PKHD1L1: variants seen among roughly 807,000 people sequenced by gnomAD.
PKHD1L1 encodes fibrocystin-L.
A neutral mutation model predicts 462.9 loss-of-function variants in PKHD1L1; 434 were observed. The observed-to-expected ratio is 0.94, with a 90% CI of 0.87 to 1.02. PKHD1L1 has a LOEUF of 1.02. Among genes scored for constraint, PKHD1L1 ranks in the 50% least tolerant of loss-of-function variants. The probability of loss-of-function intolerance (pLI) is 0.00; values close to 1 mark genes in which losing one functional copy is unlikely to be tolerated. For missense variants in PKHD1L1, 5,202 were observed against 5,096.1 expected (o/e 1.02, Z -0.63); for synonymous variants, 1,781 against 1,750.0 (o/e 1.02, Z -0.44).
In PKHD1L1 at chr8:109,528,859, C is replaced by T. The variant is rs373981285; in HGVS notation, c.12722-1221C>T. Among the ~76,000 whole-genome samples, 11 of 152,086 alleles carry T rather than the reference C, an allele frequency of 7.2e-5. No homozygotes were observed. In the South Asian group the frequency reaches 2.1e-3, roughly 29 times the overall value. ...TTGAAAGTGAAAGTTGCGTCTTTAC[C>T]TCTGACTTAAGGGGAAATGTTGAGT... On this transcript the variant is annotated intron_variant, in intron 77 of 77. Coordinates refer to ENST00000378402, the MANE Select transcript of PKHD1L1 (RefSeq NM_177531.6).
chr8:109,531,451 AAGACAGAGAGATAGAGAC>A lies in PKHD1L1; in HGVS notation c.*1365_*1382del, dbSNP rs1821039015. On this transcript the variant is annotated 3_prime_UTR_variant, in exon 78 of 78. Transcript: ENST00000378402. ...TGTCTCAGGGAGAGAGAGACAGAGA[AAGACAGAGAGATAGAGAC>A]AGAGACAGAGAGGGAGGGGGAGAGA... 6.6e-6 allele frequency among the ~76,000 whole-genome samples: 1 copy of A among 152,002 alleles called. No individual in the cohort carries two copies. Among genetic ancestry groups the A allele is most frequent in the South Asian group, 2.1e-4 (1 of 4,828 alleles).
intron 11 of PKHD1L1, 122 bp from the exon 12 acceptor site, chr8:109,398,337 C>G (rs1813081336): frequency 1.6e-6 from 1 of 636,414 alleles, no homozygotes; most frequent in Non-Finnish European, 2.9e-6. Context: ...AAATAAAGAG[C>G]CCTAATTTTG....
At chr8:109,416,247 T>C (rs569734002) in intron 21 of PKHD1L1, among the ~76,000 whole-genome samples, 2 of 151,972 alleles carry the variant, frequency 1.3e-5, no homozygotes, top group African/African-American at 4.8e-5. Context: ...GATTGATGTC[T>C]TGTCCCAAGT....
chr8:109,483,303 A>G (rs985950065), intron 57 of PKHD1L1, among the ~76,000 whole-genome samples, 198 bp downstream of exon 57: 1 of 151,472 alleles, frequency 6.6e-6, no homozygotes, highest in African/African-American at 2.4e-5. Flanking sequence ...TTTAAAATAA[A>G]TAGAGAACAT....
intron 31 of PKHD1L1, 57 bp downstream of exon 31, chr8:109,438,513 G>A: frequency 6.9e-7 from 1 of 1,449,444 alleles, no homozygotes; most frequent in Admixed American, 2.7e-5. Context: ...AACATTTCTA[G>A]AAAGGCTTTT....
chr8:109,453,467 T>C lies in PKHD1L1; in HGVS notation c.6664+593T>C, dbSNP rs1223478490. On this transcript the variant is annotated intron_variant, in intron 43 of 77. Coordinates refer to ENST00000378402, the MANE Select transcript of PKHD1L1 (RefSeq NM_177531.6). ...ACTGTGATAATTGCATGTAAAAGAA[T>C]CATTAATTGGTAAGAGTAGACTGCT... Among the ~76,000 whole-genome samples, 7 of 152,308 alleles carry C rather than the reference T, an allele frequency of 4.6e-5. No homozygotes were observed. The South Asian group carries it at 1.0e-3, about 23-fold the overall frequency.
At chr8:109,503,095 C>G (rs371179412) in intron 67 of PKHD1L1, among the ~76,000 whole-genome samples, 30 of 152,150 alleles carry the variant, frequency 2.0e-4, no homozygotes, top group East Asian at 1.2e-3. Context: ...CACTTGAGGT[C>G]AGGAGTTTGA....
rs368332800 is a variant in PKHD1L1, at chr8:109,510,810, C to T, written c.11429C>T (p.Thr3810Ile). ...PQDHGWCAGYTCQRRLSLFHS... is the reference protein window; with the variant it reads ...PQDHGWCAGYICQRRLSLFHS... ...GATCATGGCTGGTGTGCTGGATATA[C>T]ATGCCAGAGAAGGCTGTCCCTGTTT... is the stretch of plus-strand genomic sequence containing the variant. Residue 3810 changes from threonine to isoleucine, a missense_variant, in exon 71 of 78, where the codon ACA (threonine) becomes ATA (isoleucine). Transcript: ENST00000378402. The T allele has an allele frequency of 3.1e-6, 5 of 1,613,190 alleles. No individual in the cohort carries two copies. The highest frequency in any genetic ancestry group is 4.2e-6 in the Non-Finnish European group (5 of 1,179,392).
At position 109,461,323 on chromosome 8, in the gene PKHD1L1, A is replaced by G. The variant is rs927210921; in HGVS notation, c.7247-449A>G. On this transcript the variant is annotated intron_variant, in intron 47 of 77. Transcript: ENST00000378402. ...TCATCTGCGTCAATTATCACAATGT[A>G]CATGAAACCTAGTTTCATCCATTTA... is the stretch of plus-strand genomic sequence containing the variant. 2.0e-5 allele frequency among the ~76,000 whole-genome samples: 3 copies of G among 152,194 alleles called. No homozygotes were observed. The East Asian group carries it at 5.8e-4, about 29-fold the overall frequency.
intron 29 of PKHD1L1, among the ~76,000 whole-genome samples, chr8:109,435,687 G>T (rs1815368828): frequency 1.3e-5 from 2 of 152,166 alleles, no homozygotes; most frequent in African/African-American, 4.8e-5. Flanking sequence ...TGTAACCACA[G>T]TCTCAGTGGA....
intron 68 of PKHD1L1, 99 bp downstream of exon 68, chr8:109,504,591 G>T (rs918560442): frequency 1.5e-6 from 1 of 665,212 alleles, no homozygotes. Context: ...TAAAATAACT[G>T]CCAGTTTTTA....
chr8:109,396,103 TCAGA>T lies in PKHD1L1; in HGVS notation c.893_896del (p.Thr298IlefsTer7), dbSNP rs1188099581. ...TGACAATAAGTGGGCGTTTCTTTGA[TCAGA>T]CAGATTTCCCCGTCAGAGTTCTAGT... is the stretch of plus-strand genomic sequence containing the variant. On this transcript the variant is annotated frameshift_variant, in exon 11 of 78. Coordinates refer to ENST00000378402, the MANE Select transcript of PKHD1L1 (RefSeq NM_177531.6). LOFTEE classifies it high-confidence loss of function. The T allele has an allele frequency of 6.2e-7, 1 of 1,608,990 alleles. No individual in the cohort carries two copies. The highest frequency in any genetic ancestry group is 8.5e-7 in the Non-Finnish European group (1 of 1,177,836).
chr8:109,369,257 G>A (rs1372359546), intron 2 of PKHD1L1, among the ~76,000 whole-genome samples: 4 of 152,270 alleles, frequency 2.6e-5, no homozygotes, highest in Admixed American at 6.5e-5. Flanking sequence ...GATTACAGGC[G>A]TGAGCCACCG....
At chr8:109,525,550 C>T (rs77246745) in intron 76 of PKHD1L1, among the ~76,000 whole-genome samples, 5,020 of 152,172 alleles carry the variant, frequency 0.033, 136 homozygotes, top group South Asian at 0.067. Flanking sequence ...GCTAAGATGG[C>T]TTGATTGAGG....
chr8:109,402,494 C>T lies in PKHD1L1; in HGVS notation c.1373+906C>T, dbSNP rs115149385. Among the ~76,000 whole-genome samples, 1,454 of 152,086 alleles carry T rather than the reference C, an allele frequency of 9.6e-3. 20 individuals carry two copies. The highest frequency in any genetic ancestry group is 0.033 in the African/African-American group (1,368 of 41,502). Reference sequence around the variant, plus strand: ...CTCTCATCATCCAGGAGACTAGCCCCGGTTTGTCACATTGTGGATAGCTAA... The same window carrying T: ...CTCTCATCATCCAGGAGACTAGCCCTGGTTTGTCACATTGTGGATAGCTAA... On this transcript the variant is annotated intron_variant, in intron 14 of 77. Transcript: ENST00000378402.
intron 20 of PKHD1L1, 95 bp from the exon 21 acceptor site, chr8:109,413,326 C>T: frequency 1.1e-6 from 1 of 884,408 alleles, no homozygotes; most frequent in Non-Finnish European, 1.5e-6. Context: ...AGAAAATGCT[C>T]AATAAATATT....
At position 109,445,289 on chromosome 8, in the gene PKHD1L1, T is replaced by C. The variant is rs993825340; in HGVS notation, c.5420T>C (p.Val1807Ala). 1 of 1,613,996 alleles carries C rather than the reference T, an allele frequency of 6.2e-7. No individual in the cohort carries two copies. Among genetic ancestry groups the C allele is most frequent in the East Asian group, 2.2e-5 (1 of 44,884 alleles). ...NITALVTPLP[V>A]GHHSVSVVVG... The stretch of plus-strand genomic sequence containing the variant: ...ACTGCTCTTGTGACTCCTCTCCCAG[T>C]TGGACATCATTCTGTTAGTGTTGTG... The change falls in exon 38 of 78, where the codon GTT (valine) becomes GCT (alanine). Residue 1807 changes from valine to alanine, a missense_variant. Val to Ala is a moderately conservative substitution (Grantham distance 64). Transcript: ENST00000378402.
intron 11 of PKHD1L1, among the ~76,000 whole-genome samples, chr8:109,397,340 CT>C (rs1216041133): frequency 3.3e-5 from 5 of 152,040 alleles, no homozygotes; most frequent in Non-Finnish European, 5.9e-5. Flanking sequence ...TTCCTATTTC[CT>C]TTTTTCTGGT....
chr8:109,454,673 T>C (rs763116653), intron 44 of PKHD1L1, 50 bp from the exon 45 acceptor site: 3 of 1,597,864 alleles, frequency 1.9e-6, no homozygotes, highest in South Asian at 1.1e-5. Context: ...ATTAGAATTG[T>C]GGATTTGGGG....
Sources: gnomAD v4.1 joint callset for allele counts (sites outside exome capture counted in the v4.1 genomes callset) on GRCh38, gnomAD v4.1.1 for gene constraint, MANE v1.5 for transcripts, NCBI Gene and HGNC (gene_info 2026-07-23, HGNC 2026-07-21) for gene names.